DCBLD1: variants seen among roughly 807,000 people sequenced by gnomAD.
DCBLD1 encodes the protein discoidin, CUB and LCCL domain-containing protein 1.
A neutral mutation model predicts 71.5 loss-of-function variants in DCBLD1; 57 were observed. The observed-to-expected ratio is 0.80, with a 90% confidence interval of 0.64 to 0.99. DCBLD1 has a LOEUF of 0.99. DCBLD1 is among the 50% of genes least tolerant of loss of function. The pLI, the probability that DCBLD1 is intolerant of heterozygous loss-of-function variation, is 0.00. For synonymous variants in DCBLD1, 380 were observed against 363.8 expected (o/e 1.04, Z -0.51); for missense variants, 891 against 923.5 (o/e 0.96, Z 0.46).
At position 117,545,491 on chromosome 6, in the gene DCBLD1, G is replaced by A. The variant is rs764560859; in HGVS notation, c.1509G>A (p.Gln503=). 1 of 1,614,056 alleles carries A rather than the reference G, an allele frequency of 6.2e-7. No individual in the cohort carries two copies. The highest frequency in any genetic ancestry group is 1.1e-5 in the South Asian group (1 of 91,046). The change falls in exon 14 of 15, where the codon CAG becomes CAA. Residue 503 remains glutamine, a synonymous_variant. Coordinates refer to ENST00000338728, the MANE Select transcript of DCBLD1 (RefSeq NM_001366458.2). ...CCTTTATTCCAGACTGTTGGAAGCA[G>A]ATTAAATATCCCTTTGCCAGACATC... ...AEAQKTDCWK[Q]IKYPFARHQS...
rs1175355761 is a variant in DCBLD1, at chr6:117,564,001, AG to A, written c.1616-5616del. The stretch of plus-strand genomic sequence containing the variant: ...TTTTTTTCTTTTTTTTTTCTGAGAC[AG>A]GGTCTCACTCTATTGCCCAGGCTGG... On this transcript the variant is annotated intron_variant, in intron 14 of 14. Coordinates refer to the DCBLD1 transcript ENST00000296955. Among the ~76,000 whole-genome samples the A allele has an allele frequency of 4.1e-5, 6 of 147,544 alleles. No homozygotes were observed. In the East Asian group the frequency reaches 1.2e-3, roughly 29 times the overall value.
At chr6:117,509,827 G>A (rs1015671883) in intron 2 of DCBLD1, among the ~76,000 whole-genome samples, 1 of 152,204 alleles carries the variant, frequency 6.6e-6, no homozygotes, top group Non-Finnish European at 1.5e-5. Context: ...CTGGTGGCAA[G>A]GGTTCACTGA....
intron 6 of DCBLD1, among the ~76,000 whole-genome samples, chr6:117,533,818 C>A (rs1038269518): frequency 6.6e-6 from 1 of 152,054 alleles, no homozygotes; most frequent in Non-Finnish European, 1.5e-5. Flanking sequence ...ACCATGCTCA[C>A]GGCCAGGAGG....
intron 2 of DCBLD1, among the ~76,000 whole-genome samples, chr6:117,512,870 A>G (rs1582991582): frequency 6.6e-6 from 1 of 152,072 alleles, no homozygotes; most frequent in Admixed American, 6.6e-5. Flanking sequence ...CACTGACAGT[A>G]TGGTAGTTAA....
intron 8 of DCBLD1, 85 bp from the exon 9 acceptor site, chr6:117,539,170 A>G (rs1202307683): frequency 9.6e-6 from 12 of 1,250,024 alleles, no homozygotes; most frequent in Admixed American, 2.5e-5. Context: ...CAAATGAGGG[A>G]GAAAAAAATG....
intron 1 of DCBLD1, among the ~76,000 whole-genome samples, chr6:117,497,496 A>G (rs1777510177): frequency 6.6e-6 from 1 of 152,226 alleles, no homozygotes; most frequent in Non-Finnish European, 1.5e-5. Flanking sequence ...TTCTAAGCTT[A>G]TTTAGAAAGT....
intron 14 of DCBLD1, chr6:117,569,459 G>C: frequency 7.3e-7 from 1 of 1,366,236 alleles, no homozygotes; most frequent in Non-Finnish European, 9.9e-7. Context: ...AAGGAAACAA[G>C]AACTATGTGT....
intron 7 of DCBLD1, among the ~76,000 whole-genome samples, 174 bp downstream of exon 7, chr6:117,537,399 TG>T (rs1047511583): frequency 1.3e-5 from 2 of 151,264 alleles, no homozygotes; most frequent in South Asian, 2.1e-4. Context: ...CCGGGCCTGG[TG>T]GGGGGCGCCT....
At chr6:117,493,654 T>C (rs936779467) in intron 1 of DCBLD1, among the ~76,000 whole-genome samples, 4 of 152,212 alleles carry the variant, frequency 2.6e-5, no homozygotes, top group African/African-American at 9.6e-5. Context: ...ACCTCAGTTT[T>C]GTCACCTCTA....
In DCBLD1 at chr6:117,541,040, G is replaced by A; in HGVS notation, c.1357+15G>A. On this transcript the variant is annotated intron_variant, in intron 11 of 14. Coordinates refer to ENST00000338728, the MANE Select transcript of DCBLD1 (RefSeq NM_001366458.2). ...AACATCCACAGGTAGAGCCGTGATTGTCTGTGGTTTCATAAGGAGCATAAC... is the reference window on the plus strand; with the variant it reads ...AACATCCACAGGTAGAGCCGTGATTATCTGTGGTTTCATAAGGAGCATAAC... The A allele has an allele frequency of 6.2e-7, 1 of 1,613,502 alleles. No homozygotes were observed. The highest frequency in any genetic ancestry group is 1.1e-5 in the South Asian group (1 of 91,060).
intron 5 of DCBLD1, among the ~76,000 whole-genome samples, chr6:117,528,517 A>T (rs1778614270): frequency 6.6e-6 from 1 of 152,174 alleles, no homozygotes; most frequent in African/African-American, 2.4e-5. Context: ...TTTTTCCTAA[A>T]GGAAGAGTTA....
Position 117,545,569 on chromosome 6 carries a change from G to A in DCBLD1, c.1587G>A (p.Lys529=), listed in dbSNP as rs747942218. The part of the protein sequence containing the change: ...SYDNEKEMTQ[K]LDLITSDMAD... Reference sequence around the variant, plus strand: ...ATAATGAGAAGGAGATGACACAAAAGTTAGATCTCATCACAAGTGATATGG... The same window carrying A: ...ATAATGAGAAGGAGATGACACAAAAATTAGATCTCATCACAAGTGATATGG... The change falls in exon 14 of 15, where the codon AAG becomes AAA. Residue 529 remains lysine (K), a synonymous_variant. Transcript: ENST00000338728. The A allele has an allele frequency of 2.5e-6, 4 of 1,613,970 alleles. No individual in the cohort carries two copies. In the African/African-American group the frequency reaches 5.3e-5, roughly 22 times the overall value.
At chr6:117,536,556 GT>G (rs1209903579) in intron 6 of DCBLD1, among the ~76,000 whole-genome samples, 2 of 152,228 alleles carry the variant, frequency 1.3e-5, no homozygotes, top group African/African-American at 4.8e-5. Context: ...CATGCTGTGT[GT>G]TTTCTCCAGC....
chr6:117,525,121 A>G (rs1291271400), intron 4 of DCBLD1, among the ~76,000 whole-genome samples: 1 of 152,186 alleles, frequency 6.6e-6, no homozygotes, highest in Non-Finnish European at 1.5e-5. Context: ...GCATTAGGGA[A>G]GCTCATTGTT....
Position 117,538,750 on chromosome 6 carries a change from A to G in DCBLD1, c.891A>G (p.Pro297=). 4.3e-6 allele frequency: 7 copies of G among 1,614,208 alleles called. No homozygotes were observed. The highest frequency in any genetic ancestry group is 1.1e-5 in the South Asian group (1 of 91,084). The change falls in exon 8 of 15, where the codon CCA becomes CCG. Residue 297 remains proline (P), a synonymous_variant. Coordinates refer to ENST00000338728, the MANE Select transcript of DCBLD1 (RefSeq NM_001366458.2). ...AAGCCCGACTTCAGGACCAAGGCCC[A>G]TCATGGGCTTCGGGCGACAGTAGCA... The part of the protein sequence containing the change: ...PGQARLQDQG[P]SWASGDSSNN...
intron 11 of DCBLD1, among the ~76,000 whole-genome samples, chr6:117,542,453 T>A (rs369709066): frequency 1.3e-5 from 2 of 152,180 alleles, no homozygotes; most frequent in African/African-American, 4.8e-5. Flanking sequence ...AAGAGAAAGA[T>A]GAAGAGCAAA....
At chr6:117,518,645 A>G (rs951097589) in intron 2 of DCBLD1, among the ~76,000 whole-genome samples, 1 of 152,210 alleles carries the variant, frequency 6.6e-6, no homozygotes, top group Non-Finnish European at 1.5e-5. Context: ...GGCAAAAGAC[A>G]TGTCTCATAT....
At chr6:117,524,546 A>C (rs956646099) in intron 4 of DCBLD1, among the ~76,000 whole-genome samples, 3 of 152,196 alleles carry the variant, frequency 2.0e-5, no homozygotes, top group South Asian at 2.1e-4. Flanking sequence ...TTCTGATTGC[A>C]AAAGTATTTC....
chr6:117,553,941 C>T (rs1218394886), downstream of DCBLD1, among the ~76,000 whole-genome samples: 1 of 152,136 alleles, frequency 6.6e-6, no homozygotes, highest in Non-Finnish European at 1.5e-5. Context: ...ACTCCATTTC[C>T]TTATTTCTAA....
Sources: allele counts gnomAD v4.1 joint callset (sites outside exome capture counted in the v4.1 genomes callset), GRCh38; gene constraint gnomAD v4.1.1; transcripts MANE v1.5; gene names NCBI Gene and HGNC (gene_info 2026-07-23, HGNC 2026-07-21).